Variants in AJAP1 observed in about 807,000 individuals in gnomAD.
AJAP1 encodes adherens junctions associated protein 1.
AJAP1 carries 5 observed loss-of-function variants against 35.0 expected under a neutral mutation model. The ratio of observed to expected loss-of-function variants is 0.14; its 90% CI spans 0.07 to 0.30. The LOEUF (loss-of-function observed/expected upper bound fraction) is 0.30. AJAP1 is among the 10% of genes least tolerant of loss of function. The pLI, the probability that AJAP1 is intolerant of heterozygous loss-of-function variation, is 1.00. For synonymous variants in AJAP1, 284 were observed against 249.3 expected, an observed-to-expected ratio of 1.14 and a Z score of -1.31; for missense variants, 586 against 571.0, an observed-to-expected ratio of 1.03 and a Z score of -0.27.
rs759446606 is a variant in AJAP1 at position 4,686,612 on chromosome 1, C to G, written c.30-25288C>G. 3.9e-5 allele frequency among the ~76,000 whole-genome samples: 6 copies of G among 152,214 alleles called. No individual in the cohort carries two copies. In the East Asian group the frequency reaches 1.2e-3, roughly 29 times the overall value. Reference sequence around the variant, plus strand: ...ACGCCAGCCTTCCGCAGAGCTTTGCCGAGCAGGAGGCCTTCAATGGGAATT... The same window carrying G: ...ACGCCAGCCTTCCGCAGAGCTTTGCGGAGCAGGAGGCCTTCAATGGGAATT... On this transcript the variant is annotated intron_variant, in intron 1 of 5. Coordinates refer to ENST00000378191, the MANE Select transcript of AJAP1 (RefSeq NM_018836.4).
At chr1:4,718,117 A>G (rs956037433) in intron 2 of AJAP1, among the ~76,000 whole-genome samples, 1 of 151,528 alleles carries the variant, frequency 6.6e-6, no homozygotes, top group African/African-American at 2.4e-5. Context: ...CAGCGTGGCA[A>G]ATCCTGAGTG....
chr1:4,784,451 G>A lies in AJAP1; in HGVS notation c.*1966G>A, dbSNP rs1047507480. On this transcript the variant is annotated 3_prime_UTR_variant, in exon 6 of 6. Transcript: ENST00000378191. ...TGAAATGTCACAGGCCAGGCAAAAA[G>A]GTTAAAGATCAGACAGACAGCTGAC... 2 of 152,186 alleles carry A rather than the reference G, an allele frequency of 1.3e-5. No individual in the cohort carries two copies. The highest frequency in any genetic ancestry group is 4.8e-5 in the African/African-American group (2 of 41,440). 9.4% of individuals were successfully genotyped at this position (152,186 alleles called of 1,614,324 possible).
In AJAP1 at chr1:4,723,351, G is replaced by A. The variant is rs959655506; in HGVS notation, c.829+10652G>A. Among the ~76,000 whole-genome samples the A allele has an allele frequency of 2.0e-5, 3 of 152,222 alleles. No individual in the cohort carries two copies. Among genetic ancestry groups the A allele is most frequent in the African/African-American group, 7.2e-5 (3 of 41,472 alleles). On this transcript the variant is annotated intron_variant, in intron 2 of 5. Coordinates refer to ENST00000378191, the MANE Select transcript of AJAP1 (RefSeq NM_018836.4). This position sits in a 1 kb window ranked among gnomAD's most constrained non-coding sequence, Gnocchi z 4.3. ...TGCCACTCGGGGGCTGGTGCAGCCC[G>A]GAGTAGAAGCTCAGCGGAGCCTCGG...
Position 4,656,252 on chromosome 1 carries a change from C to T in AJAP1, c.29+798C>T, listed in dbSNP as rs563452143. Among the ~76,000 whole-genome samples, 11 of 152,306 alleles carry T rather than the reference C, an allele frequency of 7.2e-5. No individual in the cohort carries two copies. In the South Asian group the frequency reaches 2.3e-3, roughly 32 times the overall value. ...CTTCTCGGCAAACTTTGCCAGCCCG[C>T]CGGGGTTCTCGGGCTTCTCTGGCTT... On this transcript the variant is annotated intron_variant, in intron 1 of 5. Transcript: ENST00000378191. The surrounding 1 kb of genome is among the most constrained non-coding windows in gnomAD (Gnocchi z 5.7).
rs1381065067 is a variant in AJAP1, at chr1:4,655,182, G to A, written c.-244G>A. The A allele has an allele frequency of 2.7e-5, 4 of 148,760 alleles. No individual in the cohort carries two copies. Among genetic ancestry groups the A allele is most frequent in the African/African-American group, 9.8e-5 (4 of 40,984 alleles). The allele number at this position is 148,760 out of a possible 1,614,324, so 9.2% of individuals were successfully genotyped here. ...CGCGAGCCCCGCGCCCCGGCCGGAGGATGTGCGCCCCCGCGGGCCGCCCAG... is the reference window on the plus strand; with the variant it reads ...CGCGAGCCCCGCGCCCCGGCCGGAGAATGTGCGCCCCCGCGGGCCGCCCAG... On this transcript the variant is annotated 5_prime_UTR_variant, in exon 1 of 6. Coordinates refer to ENST00000378191, the MANE Select transcript of AJAP1 (RefSeq NM_018836.4). The surrounding 1 kb of genome is among the most constrained non-coding windows in gnomAD (Gnocchi z 6.9).
At chr1:4,762,508 G>C (rs1641588872) in intron 2 of AJAP1, among the ~76,000 whole-genome samples, 1 of 152,222 alleles carries the variant, frequency 6.6e-6, no homozygotes, top group African/African-American at 2.4e-5. Context: ...GCCCAAGGGA[G>C]CTTCCCCGAT....
rs1159955823 is a variant in AJAP1 at position 4,723,095 on chromosome 1, A to G, written c.829+10396A>G. Among the ~76,000 whole-genome samples the G allele has an allele frequency of 6.6e-6, 1 of 152,196 alleles. No individual in the cohort carries two copies. Among genetic ancestry groups the G allele is most frequent in the Non-Finnish European group, 1.5e-5 (1 of 68,028 alleles). On this transcript the variant is annotated intron_variant, in intron 2 of 5. Transcript: ENST00000378191. This position sits in a 1 kb window ranked among gnomAD's most constrained non-coding sequence, Gnocchi z 4.3. ...GTAGAGAGGTGGGACGCGAGCCCCA[A>G]GAGAGCATCGGCTGGGGAGTAAGGG...
chr1:4,753,587 T>A (rs1411672517), intron 2 of AJAP1, among the ~76,000 whole-genome samples: 1 of 152,178 alleles, frequency 6.6e-6, no homozygotes, highest in East Asian at 1.9e-4. Flanking sequence ...TTGTTTTTGT[T>A]TTGAGATGGA....
intron 1 of AJAP1, among the ~76,000 whole-genome samples, chr1:4,674,774 C>A (rs1055383027): frequency 6.6e-6 from 1 of 152,358 alleles, no homozygotes; most frequent in Admixed American, 6.5e-5. Context: ...AGGCAGCATT[C>A]TGCTCTGCCT....
In AJAP1 at chr1:4,712,030, C is replaced by A. The variant is rs369982143; in HGVS notation, c.160C>A (p.Pro54Thr). ...CCCGGGGCCGGAGTTCTGGCTCCTG[C>A]CGCGGTCGCCGCCCCGGCCGCCCCG... ...LGPGPEFWLL[P>T]RSPPRPPRLW... Residue 54 changes from proline to threonine, a missense_variant, in exon 2 of 6, where the codon CCG becomes ACG. Physicochemically the swap from Pro to Thr is conservative, Grantham distance 38. Coordinates refer to ENST00000378191, the MANE Select transcript of AJAP1 (RefSeq NM_018836.4). 5 of 1,594,496 alleles carry A rather than the reference C, an allele frequency of 3.1e-6. No individual in the cohort carries two copies. The South Asian group carries it at 5.7e-5, about 18-fold the overall frequency.
intron 5 of AJAP1, among the ~76,000 whole-genome samples, chr1:4,775,605 G>A (rs562259817): frequency 2.4e-4 from 37 of 152,342 alleles, no homozygotes; most frequent in South Asian, 8.3e-4. Flanking sequence ...AGTCAGAGAG[G>A]GGAGTGAATC....
chr1:4,712,269 G>C lies in AJAP1; in HGVS notation c.399G>C (p.Ser133=). Residue 133 remains serine (S), a synonymous_variant, in exon 2 of 6, where the codon TCG becomes TCC. Coordinates refer to ENST00000378191, the MANE Select transcript of AJAP1 (RefSeq NM_018836.4). ...AATCCAGCCCTTCCCTCGCCTCTTC[G>C]TCCTCGTCCTCGTCCTCCGCGGTGG... The part of the protein sequence containing the change: ...AAKSSPSLAS[S]SSSSSSAVAG... 6.6e-7 allele frequency: 1 copy of C among 1,507,634 alleles called. No individual in the cohort carries two copies. The highest frequency in any genetic ancestry group is 8.8e-7 in the Non-Finnish European group (1 of 1,132,366). 93.4% of individuals were successfully genotyped at this position (1,507,634 alleles called of 1,614,324 possible).
chr1:4,672,367 G>A (rs1386170713), intron 1 of AJAP1, among the ~76,000 whole-genome samples: 1 of 152,188 alleles, frequency 6.6e-6, no homozygotes, highest in Non-Finnish European at 1.5e-5. Context: ...CTTTCATCTT[G>A]GGTGCATTAC....
At position 4,735,222 on chromosome 1, in the gene AJAP1, G is replaced by A. The variant is rs904950465; in HGVS notation, c.829+22523G>A. 2.6e-5 allele frequency among the ~76,000 whole-genome samples: 4 copies of A among 152,238 alleles called. No individual in the cohort carries two copies. The South Asian group carries it at 8.3e-4, about 31-fold the overall frequency. ...TGGCTGCTAGAAGAAGACAAGAAAA[G>A]CATACTGGGCTGAAGTCACTTCAAA... On this transcript the variant is annotated intron_variant, in intron 2 of 5. Transcript: ENST00000378191.
rs1642124341 is a variant in AJAP1, at chr1:4,784,259, G to GA, written c.*1775dup. 1 of 152,270 alleles carries GA rather than the reference G, an allele frequency of 6.6e-6. No individual in the cohort carries two copies. The highest frequency in any genetic ancestry group is 1.5e-5 in the Non-Finnish European group (1 of 68,062). The allele number at this position is 152,270 out of a possible 1,614,324, so 9.4% of individuals were successfully genotyped here. The stretch of plus-strand genomic sequence containing the variant: ...TGCTGTCAACAGCGGGTGCTGTAGG[G>GA]ATCTAGGGATGCATCTCATGGCCCA... On this transcript the variant is annotated 3_prime_UTR_variant, in exon 6 of 6. Coordinates refer to ENST00000378191, the MANE Select transcript of AJAP1 (RefSeq NM_018836.4).
At chr1:4,700,946 C>G (rs1410092608) in intron 1 of AJAP1, among the ~76,000 whole-genome samples, 1 of 152,190 alleles carries the variant, frequency 6.6e-6, no homozygotes, top group Non-Finnish European at 1.5e-5. Flanking sequence ...AGAGGCTCAG[C>G]TAAGACACAG....
In AJAP1 at chr1:4,692,487, C is replaced by T. The variant is rs887183422; in HGVS notation, c.30-19413C>T. ...GCTGGGTCCCAAGGAAGCACCTGCC[C>T]CCAAATTCCCCACCCCAGGCATCCG... On this transcript the variant is annotated intron_variant, in intron 1 of 5. Transcript: ENST00000378191. This position sits in a 1 kb window ranked among gnomAD's most constrained non-coding sequence, Gnocchi z 4.4. Among the ~76,000 whole-genome samples the T allele has an allele frequency of 6.6e-6, 1 of 152,286 alleles. No individual in the cohort carries two copies. The highest frequency in any genetic ancestry group is 1.5e-5 in the Non-Finnish European group (1 of 68,022).
At chr1:4,701,213 T>C (rs1163303499) in intron 1 of AJAP1, among the ~76,000 whole-genome samples, 1 of 152,196 alleles carries the variant, frequency 6.6e-6, no homozygotes, top group Admixed American at 6.5e-5. Context: ...GGAGGAGTGC[T>C]GGGTGCTCCC....
At chr1:4,729,251 G>C (rs1345720502) in intron 2 of AJAP1, among the ~76,000 whole-genome samples, 1 of 152,164 alleles carries the variant, frequency 6.6e-6, no homozygotes, top group Non-Finnish European at 1.5e-5. Flanking sequence ...GAAGGGTGCA[G>C]GTCGGAGTGA....
Sources: allele counts gnomAD v4.1 joint callset (sites outside exome capture counted in the v4.1 genomes callset), GRCh38; gene constraint gnomAD v4.1.1; non-coding constraint Gnocchi (gnomAD v3.1); transcripts MANE v1.5; gene names NCBI Gene and HGNC (gene_info 2026-07-23, HGNC 2026-07-21).